Variants in XRN1 observed in about 807,000 individuals in gnomAD.
The protein encoded by XRN1 is strand-exchange protein 1 homolog.
XRN1 carries 67 observed loss-of-function variants against 222.3 expected under a neutral mutation model. The observed-to-expected ratio is 0.30, with a 90% CI of 0.25 to 0.37. The LOEUF (loss-of-function observed/expected upper bound fraction) is 0.37, where lower values mean the gene tolerates loss of function less well. Among genes scored for constraint, XRN1 ranks in the 10% least tolerant of loss-of-function variants. The probability of loss-of-function intolerance (pLI) is 1.00; values close to 1 mark genes in which losing one functional copy is unlikely to be tolerated. For missense variants in XRN1, 1,707 were observed against 2,000.2 expected (o/e 0.85, Z 2.80); for synonymous variants, 643 against 652.4 (o/e 0.99, Z 0.22).
At chr3:142,400,344 C>T in intron 19 of XRN1, 100 bp downstream of exon 19, 1 of 959,024 alleles carries the variant, frequency 1.0e-6, no homozygotes. Context: ...TGTAAATGTT[C>T]TTAATATAAT....
intron 20 of XRN1, among the ~76,000 whole-genome samples, chr3:142,395,429 C>T (rs2067892756): frequency 6.6e-6 from 1 of 152,330 alleles, no homozygotes; most frequent in African/African-American, 2.4e-5. Flanking sequence ...AACGAGTATA[C>T]ATTGTTATCA....
At chr3:142,424,474 C>A (rs986688385) in intron 5 of XRN1, among the ~76,000 whole-genome samples, 7 of 152,154 alleles carry the variant, frequency 4.6e-5, no homozygotes, top group African/African-American at 1.7e-4. Context: ...TACTTGCATA[C>A]TGTTTATTTC....
At chr3:142,371,498 C>CA (rs1183200871) in intron 25 of XRN1, among the ~76,000 whole-genome samples, 170 bp from the exon 26 acceptor site, 2 of 152,098 alleles carry the variant, frequency 1.3e-5, no homozygotes, top group East Asian at 3.8e-4. Context: ...ACTGGTAAGT[C>CA]AGAGTACTCC....
At chr3:142,376,803 G>A (rs1043300422) in intron 23 of XRN1, among the ~76,000 whole-genome samples, 13 of 152,080 alleles carry the variant, frequency 8.5e-5, no homozygotes, top group South Asian at 2.1e-4. Flanking sequence ...CTCCTTAAAG[G>A]ACAGAATTCC....
intron 20 of XRN1, among the ~76,000 whole-genome samples, chr3:142,391,745 A>ATATAT (rs1285125894): frequency 3.7e-5 from 3 of 80,270 alleles, no homozygotes; most frequent in African/African-American, 1.1e-4. Flanking sequence ...CTAAAAAAAA[A>ATATAT]AAAAATATAT....
Position 142,318,616 on chromosome 3 carries a change from G to A in XRN1, c.4597C>T (p.Pro1533Ser), listed in dbSNP as rs748113440. 1.9e-6 allele frequency: 3 copies of A among 1,608,014 alleles called. No homozygotes were observed. Among genetic ancestry groups the A allele is most frequent in the Non-Finnish European group, 2.5e-6 (3 of 1,177,666 alleles). ...YPSAVPPGTI[P>S]PAFPPPTANI... The stretch of plus-strand genomic sequence containing the variant: ...CCAGTAGGTGGGGGAAAGGCTGGAG[G>A]AATGGTTCCAGGTGGTACAGCTGAA... Residue 1533 changes from proline to serine, a missense_variant, in exon 39 of 41, where the codon CCT becomes TCT. Pro to Ser is a moderately conservative substitution (Grantham distance 74, BLOSUM62 -1). This residue lies in a region of XRN1 where 473 missense variants were observed against 482.0 expected (regional missense o/e 0.98). Transcript: ENST00000392981.
At chr3:142,429,886 C>G (rs992929240) in intron 2 of XRN1, 2 of 152,152 alleles carry the variant, frequency 1.3e-5, no homozygotes, top group Admixed American at 1.3e-4. Flanking sequence ...AAGAAGATCC[C>G]AGTATTCAGT....
Position 142,403,917 on chromosome 3 carries a change from T to C in XRN1, c.1956A>G (p.Lys652=), listed in dbSNP as rs777298020. The C allele has an allele frequency of 2.5e-6, 4 of 1,612,964 alleles. No individual in the cohort carries two copies. Among genetic ancestry groups the C allele is most frequent in the African/African-American group, 2.7e-5 (2 of 74,922 alleles). ...NKNKITRIDQ[K]ALYFCGFPTL... ...TAGGAAATCCACAGAAATATAATGC[T>C]TTCTGGTCAATTCTGGTTATTTTGT... is the stretch of plus-strand genomic sequence containing the variant. The change falls in exon 17 of 41, where the codon AAA becomes AAG. Residue 652 remains lysine (K), a synonymous_variant. Transcript: ENST00000392981.
chr3:142,361,961 CTCTTTT>C (rs1212910804), intron 29 of XRN1, among the ~76,000 whole-genome samples: 121 of 99,958 alleles, frequency 1.2e-3, no homozygotes, highest in African/African-American at 4.5e-3. Context: ...TTCTTTTTCT[CTCTTTT>C]TTTTTTTTTT....
intron 32 of XRN1, among the ~76,000 whole-genome samples, chr3:142,351,265 C>CA (rs2107814100): frequency 6.6e-6 from 1 of 151,998 alleles, no homozygotes; most frequent in South Asian, 2.1e-4. Flanking sequence ...GTGAAACTGA[C>CA]AAAGAAGACT....
chr3:142,376,104 CA>C (rs2067136819), intron 24 of XRN1, 160 bp from the exon 25 acceptor site: 1 of 1,266,824 alleles, frequency 7.9e-7, no homozygotes. Flanking sequence ...TGGTTATTTC[CA>C]AAGTAGCAGT....
Position 142,403,945 on chromosome 3 carries a change from T to C in XRN1, c.1928A>G (p.Lys643Arg), listed in dbSNP as rs1268169999. The C allele has an allele frequency of 3.7e-6, 6 of 1,608,386 alleles. No homozygotes were observed. The highest frequency in any genetic ancestry group is 4.5e-5 in the East Asian group (2 of 44,710). The change falls in exon 17 of 41, where the codon AAA becomes AGA. Residue 643 changes from lysine (K) to arginine (R), a missense_variant. Transcript: ENST00000392981. ...CTGGTCAATTCTGGTTATTTTGTTTTTGTTTATGTCTACACGCCAAGCATC... is the reference window on the plus strand; with the variant it reads ...CTGGTCAATTCTGGTTATTTTGTTTCTGTTTATGTCTACACGCCAAGCATC... ...SLDAWRVDIN[K>R]NKITRIDQKA... is the part of the protein sequence containing the mutation.
At chr3:142,359,374 G>T (rs533041630) in intron 30 of XRN1, among the ~76,000 whole-genome samples, 1 of 152,150 alleles carries the variant, frequency 6.6e-6, no homozygotes, top group South Asian at 2.1e-4. Flanking sequence ...ACTAAAATTG[G>T]TGACAAAGAC....
intron 37 of XRN1, among the ~76,000 whole-genome samples, chr3:142,320,000 C>T (rs2065310204): frequency 6.6e-6 from 1 of 152,130 alleles, no homozygotes; most frequent in South Asian, 2.1e-4. Flanking sequence ...GGTTGATTCC[C>T]TATCTTTGCT....
chr3:142,324,384 T>C (rs2107888126), intron 37 of XRN1, among the ~76,000 whole-genome samples: 1 of 151,996 alleles, frequency 6.6e-6, no homozygotes, highest in South Asian at 2.1e-4. Flanking sequence ...CTGAGAATGA[T>C]GGTTTCCAGC....
At chr3:142,344,307 T>C (rs1488666099) in intron 33 of XRN1, among the ~76,000 whole-genome samples, 1 of 152,172 alleles carries the variant, frequency 6.6e-6, no homozygotes, top group Non-Finnish European at 1.5e-5. Context: ...TCATTATGCA[T>C]TGCATGCCTG....
At chr3:142,412,779 C>T (rs2068636714) in intron 14 of XRN1, 116 bp from the exon 15 acceptor site, 1 of 888,824 alleles carries the variant, frequency 1.1e-6, no homozygotes, top group Non-Finnish European at 1.5e-6. Flanking sequence ...GCAAAGCAAA[C>T]TAAATTTTTG....
chr3:142,413,596 C>T (rs1010017788), intron 14 of XRN1, among the ~76,000 whole-genome samples: 1 of 152,164 alleles, frequency 6.6e-6, no homozygotes, highest in African/African-American at 2.4e-5. Flanking sequence ...GTAGGCTTAG[C>T]GTAATTTTGG....
Position 142,413,807 on chromosome 3 carries a change from T to A in XRN1, c.1593+328A>T, listed in dbSNP as rs1255814784. 2.0e-5 allele frequency among the ~76,000 whole-genome samples: 3 copies of A among 152,216 alleles called. No individual in the cohort carries two copies. In the East Asian group the frequency reaches 5.8e-4, roughly 29 times the overall value. On this transcript the variant is annotated intron_variant, in intron 14 of 40. Transcript: ENST00000392981. ...AGTAAAGGGAAGAGAAATGAATCTA[T>A]AAATGTTTAGATAAAGTAGATAGCT...
Sources: gnomAD v4.1 joint callset for allele counts (sites outside exome capture counted in the v4.1 genomes callset) on GRCh38, gnomAD v4.1.1 for gene constraint, gnomAD v4.1.1 regional missense constraint, MANE v1.5 for transcripts, NCBI Gene and HGNC (gene_info 2026-07-23, HGNC 2026-07-21) for gene names.